The following TNNT3 variants were observed in gnomAD, a reference collection of about 807,000 sequenced individuals.
TNNT3 encodes troponin T3, fast skeletal type, also known as troponin T, fast skeletal muscle.
In TNNT3, 36 loss-of-function variants were observed where a neutral mutation model predicts 54.2. The observed-to-expected ratio is 0.66, with a 90% CI of 0.51 to 0.88. TNNT3 has a LOEUF of 0.88. Ranked by LOEUF, TNNT3 falls within the 40% of genes least tolerant of loss-of-function variation. The probability of loss-of-function intolerance (pLI) is 0.00; values close to 1 mark genes in which losing one functional copy is unlikely to be tolerated. For synonymous variants in TNNT3, 120 were observed against 109.7 expected (o/e 1.09, Z -0.59); for missense variants, 291 against 331.6 (o/e 0.88, Z 0.95).
chr11:1,937,944 G>A (rs1302702788), intron 15 of TNNT3, among the ~76,000 whole-genome samples: 3 of 152,164 alleles, frequency 2.0e-5, no homozygotes, highest in Non-Finnish European at 2.9e-5. Context: ...GAATGGGGCC[G>A]GCCTCGCGGG....
Position 1,922,878 on chromosome 11 carries a change from T to C in TNNT3, c.4T>C (p.Ser2Pro), listed in dbSNP as rs1196497531. 1 of 1,613,576 alleles carries C rather than the reference T, an allele frequency of 6.2e-7. No individual in the cohort carries two copies. The highest frequency in any genetic ancestry group is 8.5e-7 in the Non-Finnish European group (1 of 1,179,984). The change falls in exon 2 of 16, where the codon TCT becomes CCT. Residue 2 changes from serine (S) to proline (P), a missense_variant. Ser to Pro is a moderately conservative substitution (Grantham distance 74, BLOSUM62 -1). Coordinates refer to ENST00000278317, the MANE Select transcript of TNNT3 (RefSeq NM_006757.4). MSDEEVEQVEEQ... is the reference protein window; with the variant it reads MPDEEVEQVEEQ... ...GCAGAAACCACCCACCTTCACCATG[T>C]CTGACGAGGAAGTGTGAGTACCCAG... is the stretch of plus-strand genomic sequence containing the variant.
intron 2 of TNNT3, 72 bp from the exon 3 acceptor site, chr11:1,922,976 T>C: frequency 1.2e-6 from 2 of 1,613,528 alleles, no homozygotes; most frequent in Non-Finnish European, 1.7e-6. Context: ...TGCGCTATCT[T>C]GCACAAGTCC....
At chr11:1,925,500 C>G (rs1851333784) in intron 5 of TNNT3, 1 of 622,138 alleles carries the variant, frequency 1.6e-6, no homozygotes, top group Admixed American at 2.6e-5. Flanking sequence ...GCCCCCCAGG[C>G]AGTAGGGCCA....
chr11:1,931,018 T>C (rs1187175527), intron 8 of TNNT3, among the ~76,000 whole-genome samples: 2 of 152,178 alleles, frequency 1.3e-5, no homozygotes, highest in East Asian at 3.9e-4. Flanking sequence ...AAAAAAAAGA[T>C]TTAAAGTCGG....
rs373054354 is a variant in TNNT3, at chr11:1,938,526, T to C, written c.*34T>C. 1.9e-6 allele frequency: 3 copies of C among 1,609,132 alleles called. No individual in the cohort carries two copies. In the African/African-American group the frequency reaches 4.0e-5, roughly 21 times the overall value. On this transcript the variant is annotated 3_prime_UTR_variant, in exon 16 of 16. Coordinates refer to ENST00000278317, the MANE Select transcript of TNNT3 (RefSeq NM_006757.4). ...GAAAGGCCCCTCGAGGCAGAGACCC[T>C]CCGCCCTCTTGCACACCAGGGCCGC...
intron 14 of TNNT3, chr11:1,936,254 T>C (rs1194807437): frequency 6.2e-7 from 1 of 1,613,820 alleles, no homozygotes; most frequent in South Asian, 1.1e-5. Context: ...CTGGCCAAGT[T>C]GTAAGTAGCC....
chr11:1,924,939 C>A, intron 4 of TNNT3, 160 bp from the exon 5 acceptor site: 3 of 770,516 alleles, frequency 3.9e-6, no homozygotes, highest in Non-Finnish European at 4.6e-6. Context: ...AGATGCAGGA[C>A]TGAGCCCCAT....
At chr11:1,938,307 C>T (rs1042310606) in intron 15 of TNNT3, 131 bp from the exon 16 acceptor site, 11 of 1,001,972 alleles carry the variant, frequency 1.1e-5, no homozygotes, top group East Asian at 2.5e-5. Context: ...GGGTGTGGGC[C>T]GCAAGCTTGG....
At chr11:1,923,467 C>T in intron 3 of TNNT3, 88 bp from the exon 4 acceptor site, 1 of 1,446,752 alleles carries the variant, frequency 6.9e-7, no homozygotes. Flanking sequence ...CTGTCCAGGG[C>T]CGGGACACAC....
intron 4 of TNNT3, 84 bp from the exon 5 acceptor site, chr11:1,925,015 G>A: frequency 5.2e-6 from 8 of 1,535,024 alleles, no homozygotes; most frequent in Non-Finnish European, 7.2e-6. Context: ...TGTCCTTGCG[G>A]CCTGAGTACA....
At chr11:1,929,852 C>T (rs1268462261) in intron 8 of TNNT3, 24 bp downstream of exon 8, 1 of 1,510,276 alleles carries the variant, frequency 6.6e-7, no homozygotes, top group Non-Finnish European at 8.9e-7. Flanking sequence ...CCTGGCAGGC[C>T]CGCTGCTGAG....
At chr11:1,926,374 G>A in intron 5 of TNNT3, 1 of 1,517,356 alleles carries the variant, frequency 6.6e-7, no homozygotes, top group Non-Finnish European at 9.2e-7. Context: ...TCGGCCTCGA[G>A]TGGCGACGGG....
chr11:1,922,520 CA>C (rs942556208), intron 1 of TNNT3, among the ~76,000 whole-genome samples: 1 of 152,172 alleles, frequency 6.6e-6, no homozygotes, highest in African/African-American at 2.4e-5. Flanking sequence ...TGACCCTCCT[CA>C]GGGGACGCCA....
rs564740647 is a variant in TNNT3 at position 1,933,755 on chromosome 11, T to C, written c.206T>C (p.Met69Thr). ...IQKKRQNKDL[M>T]ELQALIDSHF... ...AAGAAGCGTCAGAACAAAGACCTAA[T>C]GGAGCTCCAGGCCCTCATCGACAGC... Residue 69 changes from methionine (M) to threonine (T), a missense_variant, in exon 10 of 16, where the codon ATG (methionine) becomes ACG (threonine). Physicochemically the swap from Met to Thr is moderately conservative, Grantham distance 81. Coordinates refer to ENST00000278317, the MANE Select transcript of TNNT3 (RefSeq NM_006757.4). 6.2e-6 allele frequency: 10 copies of C among 1,612,838 alleles called. No individual in the cohort carries two copies. The highest frequency in any genetic ancestry group is 5.0e-5 in the Admixed American group (3 of 59,998).
chr11:1,922,847 C>A lies in TNNT3; in HGVS notation c.-18-10C>A. ...TCTCTCTCTCTCTCTCTCTGAATCT[C>A]TCTCTGCAGAAACCACCCACCTTCA... On this transcript the variant is annotated splice_polypyrimidine_tract_variant and intron_variant, in intron 1 of 15. Transcript: ENST00000278317. The A allele has an allele frequency of 6.2e-7, 1 of 1,612,252 alleles. No individual in the cohort carries two copies. Among genetic ancestry groups the A allele is most frequent in the East Asian group, 2.2e-5 (1 of 44,874 alleles).
At chr11:1,927,306 C>T (rs1433696189) in intron 6 of TNNT3, among the ~76,000 whole-genome samples, 1 of 152,294 alleles carries the variant, frequency 6.6e-6, no homozygotes, top group South Asian at 2.1e-4. Flanking sequence ...GCCAGACACA[C>T]CCGGAGTGAG....
At chr11:1,923,184 G>A in intron 3 of TNNT3, 123 bp downstream of exon 3, 1 of 1,412,032 alleles carries the variant, frequency 7.1e-7, no homozygotes, top group Non-Finnish European at 1.0e-6. Context: ...TGCATCCCAT[G>A]GGTGGCTTCT....
chr11:1,926,823 G>T (rs74049805), intron 6 of TNNT3, 114 bp downstream of exon 6: 2 of 1,410,286 alleles, frequency 1.4e-6, no homozygotes, highest in Non-Finnish European at 2.0e-6. Flanking sequence ...AACTGAACCC[G>T]TTCTGGCCTC....
intron 4 of TNNT3, 64 bp from the exon 5 acceptor site, chr11:1,925,035 C>G (rs1851142420): frequency 6.3e-7 from 1 of 1,591,346 alleles, no homozygotes; most frequent in East Asian, 2.2e-5. Context: ...ACTCTGATCA[C>G]TGTCTCTGTT....
Sources: gnomAD v4.1 joint callset for allele counts (sites outside exome capture counted in the v4.1 genomes callset) on GRCh38, gnomAD v4.1.1 for gene constraint, MANE v1.5 for transcripts, NCBI Gene and HGNC (gene_info 2026-07-23, HGNC 2026-07-21) for gene names.